STAC: variants seen among roughly 807,000 people sequenced by gnomAD.
The protein encoded by STAC is SH3 and cysteine rich domain.
Under a neutral mutation model 48.8 loss-of-function variants are expected in STAC, and 43 were observed. That is an observed-to-expected ratio of 0.88 (90% CI 0.69 to 1.14). STAC has a LOEUF of 1.14. STAC is among the 50% of genes most tolerant of loss of function. The probability of loss-of-function intolerance (pLI) is 0.00; values close to 1 mark genes in which losing one functional copy is unlikely to be tolerated. For synonymous variants in STAC, 193 were observed against 179.5 expected, an observed-to-expected ratio of 1.07 and a Z score of -0.60; for missense variants, 497 against 504.0, an observed-to-expected ratio of 0.99 and a Z score of 0.13.
At position 36,414,063 on chromosome 3, in the gene STAC, A is replaced by T. The variant is rs551391897; in HGVS notation, c.112-29301A>T. 1.5e-4 allele frequency among the ~76,000 whole-genome samples: 23 copies of T among 152,204 alleles called. No individual in the cohort carries two copies. The South Asian group carries it at 2.1e-3, about 14-fold the overall frequency. On this transcript the variant is annotated intron_variant, in intron 1 of 10. Transcript: ENST00000273183. ...AGATCAGCTGTTAGTCTGATGGGCT[A>T]CCCTTTGTGGGTAACCCGACCTTTC...
At chr3:36,412,444 A>T (rs1433865064) in intron 1 of STAC, among the ~76,000 whole-genome samples, 3 of 151,806 alleles carry the variant, frequency 2.0e-5, no homozygotes, top group Admixed American at 1.3e-4. Context: ...TTTTTTTTTT[A>T]AAGGGAAAGA....
intron 10 of STAC, among the ~76,000 whole-genome samples, chr3:36,545,780 T>G (rs112066836): frequency 6.6e-6 from 1 of 152,210 alleles, no homozygotes; most frequent in Non-Finnish European, 1.5e-5. Context: ...TCTGAGCACA[T>G]GACAGGAGTC....
intron 1 of STAC, among the ~76,000 whole-genome samples, chr3:36,440,629 A>G (rs183615840): frequency 6.6e-6 from 1 of 152,336 alleles, no homozygotes; most frequent in Admixed American, 6.5e-5. Flanking sequence ...TCAGAAATCA[A>G]CAATATTCAA....
At chr3:36,429,108 G>A (rs1559487577) in intron 1 of STAC, among the ~76,000 whole-genome samples, 1 of 152,150 alleles carries the variant, frequency 6.6e-6, no homozygotes, top group Non-Finnish European at 1.5e-5. Flanking sequence ...CTAATGGACT[G>A]AATGTGAAGA....
chr3:36,528,701 G>A lies in STAC; in HGVS notation c.926G>A (p.Gly309Glu), dbSNP rs1698993865. ...TCATTCATTCTTCATTTTAGGCCAG[G>A]AGACATAATTACTCTTTTAGAGGAT... Reference protein sequence around the residue: ...QENEDLEMRPGDIITLLEDSN... With the variant: ...QENEDLEMRPEDIITLLEDSN... Residue 309 changes from glycine (G) to glutamate (E), a missense_variant, in exon 9 of 11, where the codon GGA (glycine) becomes GAA (glutamate). Coordinates refer to ENST00000273183, the MANE Select transcript of STAC (RefSeq NM_003149.3). 1 of 1,598,046 alleles carries A rather than the reference G, an allele frequency of 6.3e-7. No homozygotes were observed. The highest frequency in any genetic ancestry group is 8.5e-7 in the Non-Finnish European group (1 of 1,173,740).
At chr3:36,524,460 C>T (rs929785446) in intron 8 of STAC, among the ~76,000 whole-genome samples, 5 of 151,906 alleles carry the variant, frequency 3.3e-5, no homozygotes, top group Admixed American at 1.3e-4. Context: ...GGCATGGTAG[C>T]GGGCGCCTTT....
At chr3:36,391,848 T>A (rs754522989) in intron 1 of STAC, among the ~76,000 whole-genome samples, 2 of 152,136 alleles carry the variant, frequency 1.3e-5, no homozygotes, top group Non-Finnish European at 2.9e-5. Flanking sequence ...ACAGCCAGCA[T>A]GTTTTTCTCA....
intron 1 of STAC, among the ~76,000 whole-genome samples, chr3:36,387,265 G>C (rs1699638227): frequency 6.6e-6 from 1 of 151,646 alleles, no homozygotes; most frequent in Admixed American, 6.6e-5. Context: ...TTCTTTTTTA[G>C]ATTCTACTCC....
chr3:36,514,312 C>T (rs1182736810), intron 8 of STAC, among the ~76,000 whole-genome samples: 1 of 148,296 alleles, frequency 6.7e-6, no homozygotes, highest in Non-Finnish European at 1.5e-5. Flanking sequence ...ATCCTCCTAC[C>T]CACAACCATC....
intron 1 of STAC, among the ~76,000 whole-genome samples, chr3:36,439,736 T>G (rs1287407872): frequency 2.7e-4 from 41 of 152,334 alleles, no homozygotes; most frequent in Non-Finnish European, 1.5e-4. Context: ...CTTTGCTGCA[T>G]CCAGGTCCTC....
intron 1 of STAC, among the ~76,000 whole-genome samples, chr3:36,404,523 T>G (rs1700054697): frequency 6.6e-6 from 1 of 152,204 alleles, no homozygotes; most frequent in African/African-American, 2.4e-5. Context: ...TAAATACTCA[T>G]ATGTATGATA....
chr3:36,510,567 T>C (rs1405405152), intron 8 of STAC, among the ~76,000 whole-genome samples: 1 of 152,134 alleles, frequency 6.6e-6, no homozygotes, highest in African/African-American at 2.4e-5. Flanking sequence ...CAAATGCCCA[T>C]CAATGATAGA....
rs1192347117 is a variant in STAC, at chr3:36,524,552, A to T, written c.921-4144A>T. On this transcript the variant is annotated intron_variant, in intron 8 of 10. Coordinates refer to ENST00000273183, the MANE Select transcript of STAC (RefSeq NM_003149.3). ...GGTTGCAGTGAACTGAGATAGCACCACTGCACTCCAGCCTGGGCGACAGAG... is the reference window on the plus strand; with the variant it reads ...GGTTGCAGTGAACTGAGATAGCACCTCTGCACTCCAGCCTGGGCGACAGAG... Among the ~76,000 whole-genome samples the T allele has an allele frequency of 2.0e-5, 3 of 152,144 alleles. No homozygotes were observed. In the East Asian group the frequency reaches 5.8e-4, roughly 29 times the overall value.
chr3:36,499,369 G>A (rs79909047), intron 6 of STAC, among the ~76,000 whole-genome samples: 3,156 of 152,186 alleles, frequency 0.021, 56 homozygotes, highest in Non-Finnish European at 0.031. Context: ...GTATTGCTTG[G>A]GAGGCGATTA....
At chr3:36,393,752 T>C (rs973303919) in intron 1 of STAC, among the ~76,000 whole-genome samples, 1 of 149,964 alleles carries the variant, frequency 6.7e-6, no homozygotes, top group Non-Finnish European at 1.5e-5. Context: ...CAGCAGGAAA[T>C]TGATCATACT....
At chr3:36,411,239 C>A (rs1332424929) in intron 1 of STAC, among the ~76,000 whole-genome samples, 1 of 152,226 alleles carries the variant, frequency 6.6e-6, no homozygotes, top group Non-Finnish European at 1.5e-5. Flanking sequence ...AAGCCATCTT[C>A]TGTCTATAGA....
At chr3:36,403,926 A>C (rs1700045347) in intron 1 of STAC, among the ~76,000 whole-genome samples, 1 of 152,188 alleles carries the variant, frequency 6.6e-6, no homozygotes, top group Non-Finnish European at 1.5e-5. Context: ...TAAATCCTGG[A>C]TAAAGCACTA....
At chr3:36,537,996 A>G (rs1294689035) in intron 10 of STAC, among the ~76,000 whole-genome samples, 2 of 152,070 alleles carry the variant, frequency 1.3e-5, no homozygotes, top group Non-Finnish European at 2.9e-5. Context: ...ACCAAAATGC[A>G]TTTATTTTGG....
intron 1 of STAC, among the ~76,000 whole-genome samples, chr3:36,436,741 T>G (rs928888415): frequency 6.6e-6 from 1 of 152,304 alleles, no homozygotes; most frequent in Non-Finnish European, 1.5e-5. Flanking sequence ...ACCTATAATC[T>G]ATCTCCACCC....
Sources: allele counts gnomAD v4.1 joint callset (sites outside exome capture counted in the v4.1 genomes callset), GRCh38; gene constraint gnomAD v4.1.1; transcripts MANE v1.5; gene names NCBI Gene and HGNC (gene_info 2026-07-23, HGNC 2026-07-21).